SNX4: variants seen among roughly 807,000 people sequenced by gnomAD.
SNX4 encodes the protein sorting nexin 4.
SNX4 carries 49 observed loss-of-function variants against 70.8 expected under a neutral mutation model. The observed-to-expected ratio is 0.69, with a 90% CI of 0.55 to 0.88. The LOEUF (loss-of-function observed/expected upper bound fraction) is 0.88, where lower values mean the gene tolerates loss of function less well. Among genes scored for constraint, SNX4 ranks in the 40% least tolerant of loss-of-function variants. The pLI, the probability that SNX4 is intolerant of heterozygous loss-of-function variation, is 0.00. For missense variants in SNX4, 528 were observed against 544.8 expected (o/e 0.97, Z 0.31); for synonymous variants, 206 against 183.8 (o/e 1.12, Z -0.98).
At chr3:125,470,399 AATC>A (rs1456397947) in intron 8 of SNX4, among the ~76,000 whole-genome samples, 3 of 152,022 alleles carry the variant, frequency 2.0e-5, no homozygotes, top group Non-Finnish European at 4.4e-5. Context: ...AATGTATAAT[AATC>A]ATCTTCAATT....
chr3:125,458,975 A>T (rs922616559), intron 10 of SNX4, among the ~76,000 whole-genome samples: 2 of 152,208 alleles, frequency 1.3e-5, no homozygotes, highest in Non-Finnish European at 1.5e-5. Context: ...GGAGTTCAAG[A>T]CCAGCCTGAC....
At chr3:125,508,320 C>T (rs774950769) in intron 1 of SNX4, among the ~76,000 whole-genome samples, 38 of 152,160 alleles carry the variant, frequency 2.5e-4, no homozygotes, top group Non-Finnish European at 3.8e-4. Flanking sequence ...GTAATCCCAG[C>T]ACTTTGGGAG....
At chr3:125,513,173 G>A (rs1159293208) in intron 1 of SNX4, among the ~76,000 whole-genome samples, 1 of 152,098 alleles carries the variant, frequency 6.6e-6, no homozygotes, top group Non-Finnish European at 1.5e-5. Context: ...CTCATAAGTG[G>A]GGTTAGTGCC....
intron 9 of SNX4, among the ~76,000 whole-genome samples, chr3:125,465,128 C>CA (rs1933979672): frequency 6.6e-6 from 1 of 152,108 alleles, no homozygotes; most frequent in Non-Finnish European, 1.5e-5. Flanking sequence ...GGGATCTACT[C>CA]ACGTTTGCCT....
intron 9 of SNX4, among the ~76,000 whole-genome samples, chr3:125,461,714 T>G (rs898369352): frequency 1.3e-5 from 2 of 151,492 alleles, no homozygotes; most frequent in Non-Finnish European, 2.9e-5. Context: ...CAGGCTGGAG[T>G]GCAGTGGCGC....
chr3:125,505,310 C>T (rs1303462880), intron 1 of SNX4, among the ~76,000 whole-genome samples: 1 of 152,174 alleles, frequency 6.6e-6, no homozygotes, highest in Non-Finnish European at 1.5e-5. Flanking sequence ...ATCTTAAAAA[C>T]ACATTAGACA....
chr3:125,452,812 T>TTTCA (rs1397992291), intron 12 of SNX4, among the ~76,000 whole-genome samples: 2 of 151,894 alleles, frequency 1.3e-5, no homozygotes, highest in Non-Finnish European at 2.9e-5. Flanking sequence ...AGAGACAGGG[T>TTTCA]TTCAGCATGT....
chr3:125,513,218 C>T (rs1935206732), intron 1 of SNX4, among the ~76,000 whole-genome samples: 1 of 152,178 alleles, frequency 6.6e-6, no homozygotes, highest in Non-Finnish European at 1.5e-5. Flanking sequence ...TCCTCTCCTC[C>T]TTCCACCATG....
intron 6 of SNX4, among the ~76,000 whole-genome samples, chr3:125,488,139 C>G (rs9821229): frequency 0.29 from 39,881 of 137,816 alleles, 5,731 homozygotes; most frequent in Admixed American, 0.35. Flanking sequence ...CTCTACTAAA[C>G]CTGTAACTGC....
At chr3:125,451,272 C>CAT (rs761969224) in intron 13 of SNX4, 33 bp downstream of exon 13, 8 of 1,458,136 alleles carry the variant, frequency 5.5e-6, no homozygotes, top group Non-Finnish European at 7.7e-6. Context: ...TCTGAATATA[C>CAT]ATATATCTTC....
intron 8 of SNX4, among the ~76,000 whole-genome samples, chr3:125,472,596 CAG>C (rs1338604462): frequency 6.6e-6 from 1 of 152,174 alleles, no homozygotes; most frequent in East Asian, 1.9e-4. Flanking sequence ...CTCAAGCCTT[CAG>C]AGAGTTCCTG....
chr3:125,515,081 A>T (rs1935245232), intron 1 of SNX4, among the ~76,000 whole-genome samples: 4 of 152,204 alleles, frequency 2.6e-5, no homozygotes, highest in Admixed American at 2.0e-4. Flanking sequence ...TACGCTGATT[A>T]TGATGTAAAA....
intron 13 of SNX4, chr3:125,449,210 T>A (rs1378899765): frequency 6.6e-6 from 1 of 151,784 alleles, no homozygotes; most frequent in Admixed American, 6.6e-5. Flanking sequence ...GATCATGAGA[T>A]CAGGAGTTTG....
chr3:125,460,714 T>C, intron 10 of SNX4, 57 bp downstream of exon 10: 2 of 760,502 alleles, frequency 2.6e-6, no homozygotes, highest in Non-Finnish European at 4.4e-6. Context: ...TACAGTGGCA[T>C]ATGAGGAGAG....
At chr3:125,519,490 A>AT (rs1406741791) in intron 1 of SNX4, among the ~76,000 whole-genome samples, 2 of 152,020 alleles carry the variant, frequency 1.3e-5, no homozygotes, top group Non-Finnish European at 2.9e-5. Context: ...ATTTTCTTCA[A>AT]TTTCCTGATG....
chr3:125,498,747 T>A (rs1038265468), intron 2 of SNX4, among the ~76,000 whole-genome samples: 6 of 152,202 alleles, frequency 3.9e-5, no homozygotes, highest in Admixed American at 3.3e-4. Flanking sequence ...CCTAACCACT[T>A]TCTTTCTGTT....
At chr3:125,466,360 A>G (rs760104692) in intron 9 of SNX4, among the ~76,000 whole-genome samples, 4 of 151,506 alleles carry the variant, frequency 2.6e-5, no homozygotes, top group Non-Finnish European at 4.4e-5. Flanking sequence ...AAAAAAAAAG[A>G]AAACCTAGTA....
At chr3:125,517,199 A>C (rs796289753) in intron 1 of SNX4, 7 of 152,342 alleles carry the variant, frequency 4.6e-5, no homozygotes, top group African/African-American at 1.7e-4. Flanking sequence ...TTAATGGAAG[A>C]AGCACTGATT....
chr3:125,471,029 A>C (rs1429690055), intron 8 of SNX4, among the ~76,000 whole-genome samples: 1 of 152,070 alleles, frequency 6.6e-6, no homozygotes, highest in African/African-American at 2.4e-5. Context: ...AAGGCACTTA[A>C]CTTTTTTTGT....
Sources: allele counts gnomAD v4.1 joint callset (sites outside exome capture counted in the v4.1 genomes callset), GRCh38; gene constraint gnomAD v4.1.1; transcripts MANE v1.5; gene names NCBI Gene and HGNC (gene_info 2026-07-23, HGNC 2026-07-21).